Variants in FRA10AC1 observed in about 807,000 individuals in gnomAD.
FRA10AC1 encodes the protein protein FRA10AC1.
Under a neutral mutation model 56.5 loss-of-function variants are expected in FRA10AC1, and 43 were observed. The ratio of observed to expected loss-of-function variants is 0.76; its 90% CI spans 0.60 to 0.98. The LOEUF (loss-of-function observed/expected upper bound fraction) is 0.98. Among genes scored for constraint, FRA10AC1 ranks in the 50% least tolerant of loss-of-function variants. The pLI, the probability that FRA10AC1 is intolerant of heterozygous loss-of-function variation, is 0.00. For synonymous variants in FRA10AC1, 112 were observed against 110.5 expected (o/e 1.01, Z -0.09); for missense variants, 346 against 351.8 (o/e 0.98, Z 0.13).
intron 6 of FRA10AC1, 34 bp downstream of exon 6, chr10:93,692,612 C>G (rs1296871918): frequency 3.0e-6 from 4 of 1,319,276 alleles, no homozygotes; most frequent in Non-Finnish European, 4.3e-6. Flanking sequence ...AGGACTAAAG[C>G]ATTTGATGCA....
chr10:93,701,357 T>C (rs1425477766), intron 1 of FRA10AC1, among the ~76,000 whole-genome samples: 1 of 152,186 alleles, frequency 6.6e-6, no homozygotes, highest in South Asian at 2.1e-4. Flanking sequence ...AGGAAAGAAC[T>C]CTCTAAACTT....
intron 4 of FRA10AC1, among the ~76,000 whole-genome samples, chr10:93,697,470 C>T (rs185732863): frequency 2.0e-5 from 3 of 152,184 alleles, no homozygotes; most frequent in African/African-American, 7.2e-5. Context: ...CAATAAATAC[C>T]CAAAAATACT....
chr10:93,698,224 T>C (rs771630307), intron 3 of FRA10AC1, 43 bp from the exon 4 acceptor site: 1 of 1,516,708 alleles, frequency 6.6e-7, no homozygotes, highest in Non-Finnish European at 9.1e-7. Context: ...AATGTTTATA[T>C]TCAAATTAAC....
intron 1 of FRA10AC1, among the ~76,000 whole-genome samples, chr10:93,701,459 A>G (rs2059330525): frequency 6.6e-6 from 1 of 152,206 alleles, no homozygotes; most frequent in Non-Finnish European, 1.5e-5. Flanking sequence ...CTATTAAATA[A>G]GATAGCTACA....
chr10:93,683,038 C>T (rs1045600002), intron 10 of FRA10AC1, among the ~76,000 whole-genome samples: 3 of 152,098 alleles, frequency 2.0e-5, no homozygotes, highest in Non-Finnish European at 2.9e-5. Context: ...TGTTATCCAG[C>T]GCATAAAACC....
In FRA10AC1 at chr10:93,681,718, TATA is replaced by T. The variant is rs1211846749; in HGVS notation, c.669-123_669-121del. The T allele has an allele frequency of 1.1e-5, 10 of 887,318 alleles. No individual in the cohort carries two copies. In the Admixed American group the frequency reaches 1.2e-4, roughly 10 times the overall value. 55.0% of individuals were successfully genotyped at this position (887,318 alleles called of 1,614,324 possible). ...ATACTTATTTTTTAAATGTGATTTA[TATA>T]ATAAGGAACGTTAAGTGAGACTGTA... is the stretch of plus-strand genomic sequence containing the variant. On this transcript the variant is annotated intron_variant, in intron 10 of 13. Coordinates refer to ENST00000359204, the MANE Select transcript of FRA10AC1 (RefSeq NM_145246.5).
At chr10:93,702,721 C>T, upstream of FRA10AC1, 1 of 250,396 alleles carries the variant, frequency 4.0e-6, no homozygotes, top group Non-Finnish European at 7.9e-6. Context: ...GACGAAGAGG[C>T]TTCCAGCTTT....
At chr10:93,672,723 A>C (rs4144097) in intron 12 of FRA10AC1, 99,175 of 151,900 alleles carry the variant, frequency 0.65, 33,431 homozygotes, top group Middle Eastern at 0.79. Flanking sequence ...CTTAAAAAAT[A>C]CCCACTAAAA....
intron 12 of FRA10AC1, chr10:93,673,703 A>G (rs2058800854): frequency 5.0e-6 from 2 of 402,298 alleles, no homozygotes; most frequent in African/African-American, 2.1e-5. Flanking sequence ...CTTTTCTCTG[A>G]TAACAATGAT....
chr10:93,677,692 A>G (rs981962620), intron 11 of FRA10AC1, among the ~76,000 whole-genome samples: 6 of 152,182 alleles, frequency 3.9e-5, no homozygotes, highest in African/African-American at 1.4e-4. Flanking sequence ...TGTTGAACCA[A>G]TGCAGAACAA....
chr10:93,671,914 CA>C (rs768650849), intron 12 of FRA10AC1: 16 of 370,294 alleles, frequency 4.3e-5, no homozygotes, highest in Non-Finnish European at 7.3e-5. Flanking sequence ...CCTTCAAAAT[CA>C]GTAAAAACAA....
Position 93,700,120 on chromosome 10 carries a change from C to T in FRA10AC1, c.1-14G>A, listed in dbSNP as rs1448671204. The T allele has an allele frequency of 6.8e-7, 1 of 1,475,406 alleles. No homozygotes were observed. The highest frequency in any genetic ancestry group is 1.2e-5 in the South Asian group (1 of 84,564). The allele number at this position is 1,475,406 out of a possible 1,614,324, so 91.4% of individuals were successfully genotyped here. On this transcript the variant is annotated splice_polypyrimidine_tract_variant and intron_variant, in intron 1 of 13. Transcript: ENST00000359204. ...ATGACCATGCATCTGTAAAGGAGTA[C>T]AAAGTCAGCTATTTAGAATCTATGT...
chr10:93,676,831 T>C lies in FRA10AC1; in HGVS notation c.788-140A>G, dbSNP rs2058850575. ...CACTTCACTGTTTTCTAATCTTTCATGTTCCTTAGTCTTATCTCCCTCATT... is the reference window on the plus strand; with the variant it reads ...CACTTCACTGTTTTCTAATCTTTCACGTTCCTTAGTCTTATCTCCCTCATT... On this transcript the variant is annotated intron_variant, in intron 11 of 13. Coordinates refer to ENST00000359204, the MANE Select transcript of FRA10AC1 (RefSeq NM_145246.5). 1.1e-5 allele frequency: 14 copies of C among 1,296,446 alleles called. 1 individual carries two copies. The highest frequency in any genetic ancestry group is 2.7e-4 in the Middle Eastern group (1 of 3,754). 80.3% of individuals were successfully genotyped at this position (1,296,446 alleles called of 1,614,324 possible).
Position 93,685,232 on chromosome 10 carries a change from T to C in FRA10AC1, c.625+14A>G, listed in dbSNP as rs201575957. Reference sequence around the variant, plus strand: ...TTGGAAGAATCAATCATATACCCCCTAAAATCAACTTACTTAATTTAACAA... The same window carrying C: ...TTGGAAGAATCAATCATATACCCCCCAAAATCAACTTACTTAATTTAACAA... On this transcript the variant is annotated intron_variant, in intron 9 of 13. Coordinates refer to ENST00000359204, the MANE Select transcript of FRA10AC1 (RefSeq NM_145246.5). The C allele has an allele frequency of 1.8e-4, 213 of 1,188,216 alleles. 2 individuals are homozygous for C. In the African/African-American group the frequency reaches 3.0e-3, roughly 17 times the overall value. 73.6% of individuals were successfully genotyped at this position (1,188,216 alleles called of 1,614,324 possible). A position where few individuals can be genotyped will look rare whatever the true frequency, so the allele number is the denominator to read the frequency against.
intron 12 of FRA10AC1, chr10:93,674,793 CTT>C (rs1206422451): frequency 2.6e-5 from 4 of 152,080 alleles, no homozygotes; most frequent in African/African-American, 9.7e-5. Context: ...CCCCAAAAGA[CTT>C]TTTAAGGATA....
rs2058753334 is a variant in FRA10AC1 at position 93,671,073 on chromosome 10, A to G, written c.827-225T>C. Reference sequence around the variant, plus strand: ...AAAAAGGCCAAGGATTTTAAGTCTCATCGAAACTTCTCTAAGTTACACTGA... The same window carrying G: ...AAAAAGGCCAAGGATTTTAAGTCTCGTCGAAACTTCTCTAAGTTACACTGA... On this transcript the variant is annotated intron_variant, in intron 12 of 13. Transcript: ENST00000359204. 6.9e-6 allele frequency: 3 copies of G among 432,234 alleles called. No individual in the cohort carries two copies. In the South Asian group the frequency reaches 1.0e-4, roughly 14 times the overall value. 26.8% of individuals were successfully genotyped at this position (432,234 alleles called of 1,614,324 possible).
chr10:93,690,861 G>A (rs921678957), intron 7 of FRA10AC1, among the ~76,000 whole-genome samples: 2 of 152,074 alleles, frequency 1.3e-5, no homozygotes, highest in Non-Finnish European at 2.9e-5. Flanking sequence ...TTAAGTGCAC[G>A]GGTTTATAAA....
intron 9 of FRA10AC1, 41 bp downstream of exon 9, chr10:93,685,205 A>C: frequency 1.1e-6 from 1 of 870,008 alleles, no homozygotes; most frequent in Non-Finnish European, 1.9e-6. Flanking sequence ...TTAAAGACAA[A>C]CTTGGAAGAA....
intron 12 of FRA10AC1, chr10:93,672,228 T>C (rs777765867): frequency 3.6e-6 from 1 of 274,604 alleles, no homozygotes; most frequent in South Asian, 3.7e-5. Context: ...TGAATCAACA[T>C]GTGTGTCTGA....
Sources: gnomAD v4.1 joint callset for allele counts (sites outside exome capture counted in the v4.1 genomes callset) on GRCh38, gnomAD v4.1.1 for gene constraint, MANE v1.5 for transcripts, NCBI Gene and HGNC (gene_info 2026-07-23, HGNC 2026-07-21) for gene names.